Variants in EPB41L4A observed in about 807,000 individuals in gnomAD.
The protein encoded by EPB41L4A is erythrocyte membrane protein band 4.1 like 4A, also known as band 4.1-like protein 4A.
A neutral mutation model predicts 108.6 loss-of-function variants in EPB41L4A; 100 were observed. The ratio of observed to expected loss-of-function variants is 0.92; its 90% confidence interval spans 0.78 to 1.09. EPB41L4A has a LOEUF of 1.09. Ranked by LOEUF, EPB41L4A falls within the 50% of genes least tolerant of loss-of-function variation. EPB41L4A has a pLI of 0.00. For synonymous variants in EPB41L4A, 319 were observed against 289.0 expected, an observed-to-expected ratio of 1.10 and a Z score of -1.05; for missense variants, 1,030 against 842.7, an observed-to-expected ratio of 1.22 and a Z score of -2.75.
intron 1 of EPB41L4A, among the ~76,000 whole-genome samples, chr5:112,396,596 G>T (rs1178244128): frequency 1.3e-5 from 2 of 152,200 alleles, no homozygotes; most frequent in Non-Finnish European, 2.9e-5. Context: ...ATCAGCCAGG[G>T]CTGCAGTCCA....
intron 9 of EPB41L4A, among the ~76,000 whole-genome samples, chr5:112,249,861 C>G (rs1216113067): frequency 6.6e-6 from 1 of 152,126 alleles, no homozygotes; most frequent in Non-Finnish European, 1.5e-5. Context: ...CTTTAATGCG[C>G]TAATATGTAC....
At chr5:112,283,396 G>A (rs143797130) in intron 2 of EPB41L4A, among the ~76,000 whole-genome samples, 46 of 152,254 alleles carry the variant, frequency 3.0e-4, no homozygotes, top group Middle Eastern at 3.4e-3. Context: ...GTTCAACCAA[G>A]GGAAAGATGT....
chr5:112,173,705 C>A (rs1580366036), intron 18 of EPB41L4A: 1 of 151,350 alleles, frequency 6.6e-6, no homozygotes, highest in Middle Eastern at 3.4e-3. Context: ...GTGCAGTGGC[C>A]CCATCTCGGC....
chr5:112,197,213 C>T (rs1304066366), intron 15 of EPB41L4A, among the ~76,000 whole-genome samples: 2 of 152,174 alleles, frequency 1.3e-5, no homozygotes, highest in Non-Finnish European at 2.9e-5. Context: ...TACTTTGAGT[C>T]CACATCCCCC....
At chr5:112,415,926 T>G (rs1216039743) in intron 1 of EPB41L4A, among the ~76,000 whole-genome samples, 1 of 151,992 alleles carries the variant, frequency 6.6e-6, no homozygotes, top group Non-Finnish European at 1.5e-5. Flanking sequence ...GGCAAATACC[T>G]CCGTAACATT....
At chr5:112,252,109 T>C (rs1460422992) in intron 9 of EPB41L4A, among the ~76,000 whole-genome samples, 1 of 152,092 alleles carries the variant, frequency 6.6e-6, no homozygotes, top group Non-Finnish European at 1.5e-5. Flanking sequence ...GACATACAAA[T>C]ATAAAATGAG....
At position 112,324,949 on chromosome 5, in the gene EPB41L4A, A is replaced by T. The variant is rs1245776261; in HGVS notation, c.100-17459T>A. On this transcript the variant is annotated intron_variant, in intron 1 of 22. Transcript: ENST00000261486. ...ACAACAATCTTTTTGAAAAGTAATGAAACAGTAGCTATCATCATACTTGTA... is the reference window on the plus strand; with the variant it reads ...ACAACAATCTTTTTGAAAAGTAATGTAACAGTAGCTATCATCATACTTGTA... Among the ~76,000 whole-genome samples, 3 of 152,278 alleles carry T rather than the reference A, an allele frequency of 2.0e-5. No homozygotes were observed. The East Asian group carries it at 5.8e-4, about 29-fold the overall frequency.
intron 20 of EPB41L4A, among the ~76,000 whole-genome samples, 168 bp from the exon 21 acceptor site, chr5:112,169,273 G>C (rs1561445173): frequency 6.6e-6 from 1 of 152,070 alleles, no homozygotes; most frequent in Admixed American, 6.5e-5. Flanking sequence ...CAAGAAAAAT[G>C]CTCCCTTGAC....
Position 112,408,731 on chromosome 5 carries a change from A to T in EPB41L4A, c.99+10210T>A, listed in dbSNP as rs1431030662. Reference sequence around the variant, plus strand: ...AAAAAAAAAAAAAGGGCCAGTAAGCACAAGAAAAGATGCTCAACATCATTA... The same window carrying T: ...AAAAAAAAAAAAAGGGCCAGTAAGCTCAAGAAAAGATGCTCAACATCATTA... On this transcript the variant is annotated intron_variant, in intron 1 of 22. Coordinates refer to ENST00000261486, the MANE Select transcript of EPB41L4A (RefSeq NM_022140.5). Among the ~76,000 whole-genome samples, 5 of 148,066 alleles carry T rather than the reference A, an allele frequency of 3.4e-5. No individual in the cohort carries two copies. The Admixed American group carries it at 3.4e-4, about 10-fold the overall frequency.
Position 112,194,647 on chromosome 5 carries a change from T to G in EPB41L4A, c.1425-2A>C. ...CTGGTGTTACAGCGTGAACGTGACCTGAAGACAAAAAGGTAAGAACAAAAG... is the reference window on the plus strand; with the variant it reads ...CTGGTGTTACAGCGTGAACGTGACCGGAAGACAAAAAGGTAAGAACAAAAG... On this transcript the variant is annotated splice_acceptor_variant, in intron 16 of 22. Coordinates refer to ENST00000261486, the MANE Select transcript of EPB41L4A (RefSeq NM_022140.5). LOFTEE classifies it high-confidence loss of function. The G allele has an allele frequency of 6.3e-7, 1 of 1,595,562 alleles. No individual in the cohort carries two copies. The highest frequency in any genetic ancestry group is 8.5e-7 in the Non-Finnish European group (1 of 1,172,464).
chr5:112,392,630 C>A (rs1761028817), intron 1 of EPB41L4A: 1 of 152,060 alleles, frequency 6.6e-6, no homozygotes, highest in Admixed American at 6.6e-5. Context: ...GACTCTCACA[C>A]AATAATAATG....
rs1761659598 is a variant in EPB41L4A, at chr5:112,190,805, G to T, written c.1502+3763C>A. 2.0e-5 allele frequency among the ~76,000 whole-genome samples: 3 copies of T among 152,142 alleles called. No homozygotes were observed. In the South Asian group the frequency reaches 6.2e-4, roughly 32 times the overall value. On this transcript the variant is annotated intron_variant, in intron 17 of 22. Coordinates refer to ENST00000261486, the MANE Select transcript of EPB41L4A (RefSeq NM_022140.5). Reference sequence around the variant, plus strand: ...AAGTATCAGCACACAGCAAAACCAAGACCCAGTCCCAAGTCCTCAGGTTAT... The same window carrying T: ...AAGTATCAGCACACAGCAAAACCAATACCCAGTCCCAAGTCCTCAGGTTAT...
At chr5:112,285,211 C>T (rs1189351898) in intron 2 of EPB41L4A, among the ~76,000 whole-genome samples, 2 of 152,080 alleles carry the variant, frequency 1.3e-5, no homozygotes, top group South Asian at 4.1e-4. Context: ...ATAAAGTTTC[C>T]TGTAGGCCAA....
intron 17 of EPB41L4A, among the ~76,000 whole-genome samples, chr5:112,184,989 T>C (rs1217732890): frequency 6.6e-6 from 1 of 152,096 alleles, no homozygotes; most frequent in Non-Finnish European, 1.5e-5. Flanking sequence ...ACTTCCGAGG[T>C]ATCAAGTCTT....
chr5:112,170,639 G>C (rs1340148794), intron 19 of EPB41L4A, among the ~76,000 whole-genome samples: 2 of 152,116 alleles, frequency 1.3e-5, no homozygotes, highest in Non-Finnish European at 2.9e-5. Context: ...TCTCCCCTGT[G>C]GTAGGTGTCT....
chr5:112,332,428 T>C (rs896758271), intron 1 of EPB41L4A, among the ~76,000 whole-genome samples: 13 of 152,164 alleles, frequency 8.5e-5, no homozygotes, highest in Admixed American at 7.2e-4. Context: ...TATTTCAGAG[T>C]GTGAAAGGGT....
At chr5:112,342,185 T>A (rs980709916) in intron 1 of EPB41L4A, among the ~76,000 whole-genome samples, 13 of 152,184 alleles carry the variant, frequency 8.5e-5, no homozygotes, top group Admixed American at 8.5e-4. Flanking sequence ...TACTGGGTAA[T>A]GAAGAGAAAT....
intron 3 of EPB41L4A, among the ~76,000 whole-genome samples, chr5:112,279,772 G>C (rs1159929387): frequency 6.6e-6 from 1 of 151,896 alleles, no homozygotes; most frequent in Admixed American, 6.6e-5. Context: ...AAACCAAAAA[G>C]CTAGCTCCCA....
intron 2 of EPB41L4A, among the ~76,000 whole-genome samples, chr5:112,292,733 C>A (rs1338532573): frequency 5.3e-5 from 8 of 152,220 alleles, no homozygotes; most frequent in South Asian, 4.2e-4. Flanking sequence ...GGAGAAAATT[C>A]TCTTAAGATT....
Sources: gnomAD v4.1 joint callset for allele counts (sites outside exome capture counted in the v4.1 genomes callset) on GRCh38, gnomAD v4.1.1 for gene constraint, MANE v1.5 for transcripts, NCBI Gene and HGNC (gene_info 2026-07-23, HGNC 2026-07-21) for gene names.